Variants in CCDC85A observed in about 807,000 individuals in gnomAD.
The protein encoded by CCDC85A is coiled-coil domain containing 85A.
CCDC85A carries 38 observed loss-of-function variants against 50.2 expected under a neutral mutation model. The ratio of observed to expected loss-of-function variants is 0.76; its 90% CI spans 0.58 to 0.99. CCDC85A has a LOEUF of 0.99. Ranked by LOEUF, CCDC85A falls within the 50% of genes least tolerant of loss-of-function variation. CCDC85A has a pLI of 0.00. For synonymous variants in CCDC85A, 366 were observed against 301.4 expected (o/e 1.21, Z -2.22); for missense variants, 820 against 742.0 (o/e 1.11, Z -1.22).
intron 2 of CCDC85A, among the ~76,000 whole-genome samples, chr2:56,258,617 G>A (rs1238269532): frequency 2.0e-5 from 3 of 152,212 alleles, no homozygotes; most frequent in Non-Finnish European, 2.9e-5. Context: ...GCAAAATCTA[G>A]GACAGGAGAG....
chr2:56,225,450 T>C (rs1279432040), intron 2 of CCDC85A, among the ~76,000 whole-genome samples: 2 of 152,128 alleles, frequency 1.3e-5, no homozygotes, highest in African/African-American at 2.4e-5. Flanking sequence ...TAACCATAAA[T>C]GTCGGGGTTT....
chr2:56,374,892 T>C (rs1476170383), intron 4 of CCDC85A, among the ~76,000 whole-genome samples: 2 of 152,238 alleles, frequency 1.3e-5, no homozygotes, highest in Admixed American at 6.5e-5. Context: ...GTTAGATTGA[T>C]AGAATCAACT....
chr2:56,377,335 A>G (rs1302889518), intron 5 of CCDC85A, among the ~76,000 whole-genome samples: 3 of 152,186 alleles, frequency 2.0e-5, no homozygotes, highest in Admixed American at 1.3e-4. Flanking sequence ...GGCACTAGCT[A>G]TCTGAAAAGC....
At position 56,252,951 on chromosome 2, in the gene CCDC85A, G is replaced by A. The variant is rs1037139600; in HGVS notation, c.1240+59511G>A. ...GGAGAATCACTTGAACTGGGGAGGC[G>A]GAGGTTGCAGTAAGCCAAGATCGCG... is the stretch of plus-strand genomic sequence containing the variant. On this transcript the variant is annotated intron_variant, in intron 2 of 5. Coordinates refer to ENST00000407595, the MANE Select transcript of CCDC85A (RefSeq NM_001080433.2). Among the ~76,000 whole-genome samples, 8 of 152,054 alleles carry A rather than the reference G, an allele frequency of 5.3e-5. No individual in the cohort carries two copies. The East Asian group carries it at 5.8e-4, about 11-fold the overall frequency.
At position 56,384,517 on chromosome 2, in the gene CCDC85A, C is replaced by T. The variant is rs1453162502; in HGVS notation, c.*162C>T. The T allele has an allele frequency of 1.0e-5, 6 of 582,484 alleles. No homozygotes were observed. The highest frequency in any genetic ancestry group is 2.9e-5 in the Admixed American group (1 of 34,878). The allele number at this position is 582,484 out of a possible 1,614,324, so 36.1% of individuals were successfully genotyped here. On this transcript the variant is annotated 3_prime_UTR_variant, in exon 6 of 6. Transcript: ENST00000407595. The stretch of plus-strand genomic sequence containing the variant: ...CTCTAAAACCTGTAGTACAACTTCT[C>T]CCCTCAAGCTGATATTCTGTGTCTC...
intron 2 of CCDC85A, among the ~76,000 whole-genome samples, chr2:56,202,680 A>T (rs1176110076): frequency 2.0e-5 from 3 of 152,264 alleles, no homozygotes; most frequent in South Asian, 4.1e-4. Context: ...CTATAGGCAG[A>T]AGTAAAGTAC....
At position 56,351,073 on chromosome 2, in the gene CCDC85A, A is replaced by G. The variant is rs1272430064; in HGVS notation, c.1317+8118A>G. Among the ~76,000 whole-genome samples the G allele has an allele frequency of 2.3e-4, 27 of 117,890 alleles. No homozygotes were observed. The East Asian group carries it at 3.5e-3, about 15-fold the overall frequency. 77.3% of individuals were successfully genotyped at this position (117,890 alleles called of 152,430 possible). ...TGTGTCCATGTGTTCTCATTGTTCA[A>G]TTCCCACCTATGAGTGAGAATATGC... is the stretch of plus-strand genomic sequence containing the variant. On this transcript the variant is annotated intron_variant, in intron 3 of 5. Coordinates refer to ENST00000407595, the MANE Select transcript of CCDC85A (RefSeq NM_001080433.2).
At chr2:56,249,721 G>A (rs1054347357) in intron 2 of CCDC85A, among the ~76,000 whole-genome samples, 1 of 152,160 alleles carries the variant, frequency 6.6e-6, no homozygotes, top group Non-Finnish European at 1.5e-5. Flanking sequence ...CAGAGGGGCT[G>A]GTCTCCCCAC....
rs115870568 is a variant in CCDC85A at position 56,312,997 on chromosome 2, A to G, written c.1241-29882A>G. On this transcript the variant is annotated intron_variant, in intron 2 of 5. Coordinates refer to ENST00000407595, the MANE Select transcript of CCDC85A (RefSeq NM_001080433.2). ...AAAATGCTTCTATATGCATTGTCTT[A>G]TTTAATTCTCACATTGGTTAGGTCT... Among the ~76,000 whole-genome samples the G allele has an allele frequency of 7.9e-3, 1,201 of 152,290 alleles. 8 individuals carry two copies. Among genetic ancestry groups the G allele is most frequent in the African/African-American group, 0.027 (1,123 of 41,586 alleles).
At chr2:56,281,682 A>T (rs906644185) in intron 2 of CCDC85A, among the ~76,000 whole-genome samples, 1 of 152,160 alleles carries the variant, frequency 6.6e-6, no homozygotes, top group African/African-American at 2.4e-5. Flanking sequence ...ATGAAGTTGC[A>T]TATCAGCCAT....
chr2:56,192,374 C>A lies in CCDC85A; in HGVS notation c.277-103C>A. The A allele has an allele frequency of 6.7e-7, 1 of 1,496,248 alleles. No individual in the cohort carries two copies. The highest frequency in any genetic ancestry group is 8.9e-7 in the Non-Finnish European group (1 of 1,119,106). 92.7% of individuals were successfully genotyped at this position (1,496,248 alleles called of 1,614,324 possible). On this transcript the variant is annotated intron_variant, in intron 1 of 5. Coordinates refer to ENST00000407595, the MANE Select transcript of CCDC85A (RefSeq NM_001080433.2). The surrounding 1 kb of genome is among the most constrained non-coding windows in gnomAD (Gnocchi z 4.7). ...ACTCCCTCACCTCCTCCCCTAACCT[C>A]ACAGGTAATTCACCAGTTACAGGCT...
chr2:56,213,839 A>C (rs1026827977), intron 2 of CCDC85A, among the ~76,000 whole-genome samples: 1 of 151,964 alleles, frequency 6.6e-6, no homozygotes, highest in African/African-American at 2.4e-5. Flanking sequence ...AGAACAACCA[A>C]AAATACCCGC....
chr2:56,353,244 A>C (rs893161545), intron 3 of CCDC85A, among the ~76,000 whole-genome samples: 1 of 152,230 alleles, frequency 6.6e-6, no homozygotes, highest in African/African-American at 2.4e-5. Flanking sequence ...CTCACACGCT[A>C]GTCTAATCAG....
rs117060780 is a variant in CCDC85A, at chr2:56,265,197, A to G, written c.1240+71757A>G. ...AAAAGGCATTGAAAGGGGAAGGACA[A>G]GCCAGAGAAAAGAAGAAAAGCTATC... On this transcript the variant is annotated intron_variant, in intron 2 of 5. Coordinates refer to ENST00000407595, the MANE Select transcript of CCDC85A (RefSeq NM_001080433.2). Among the ~76,000 whole-genome samples, 264 of 152,324 alleles carry G rather than the reference A, an allele frequency of 1.7e-3. 7 individuals carry two copies. The East Asian group carries it at 0.038, about 22-fold the overall frequency.
chr2:56,223,963 T>A (rs907139917), intron 2 of CCDC85A, among the ~76,000 whole-genome samples: 1 of 152,208 alleles, frequency 6.6e-6, no homozygotes, highest in Non-Finnish European at 1.5e-5. Flanking sequence ...TTTGTTAAGA[T>A]ACAGTTCACA....
At chr2:56,250,104 G>C (rs1392385624) in intron 2 of CCDC85A, among the ~76,000 whole-genome samples, 1 of 152,192 alleles carries the variant, frequency 6.6e-6, no homozygotes, top group Non-Finnish European at 1.5e-5. Context: ...AGCAAGGACT[G>C]TGAGGTTATT....
intron 3 of CCDC85A, among the ~76,000 whole-genome samples, chr2:56,347,673 C>A (rs1674695933): frequency 3.3e-5 from 5 of 152,098 alleles, no homozygotes; most frequent in Admixed American, 3.3e-4. Flanking sequence ...TTATGCTTAA[C>A]AGAATGTGGT....
At chr2:56,339,363 C>T (rs917869658) in intron 2 of CCDC85A, among the ~76,000 whole-genome samples, 1 of 152,038 alleles carries the variant, frequency 6.6e-6, no homozygotes, top group Non-Finnish European at 1.5e-5. Context: ...ACATTAAAAA[C>T]GAGAGAGGAT....
At chr2:56,353,822 A>G (rs895826110) in intron 3 of CCDC85A, among the ~76,000 whole-genome samples, 2 of 152,168 alleles carry the variant, frequency 1.3e-5, no homozygotes, top group Admixed American at 6.5e-5. Flanking sequence ...GGGAGTTGCA[A>G]TGTTATTTAT....
Sources: gnomAD v4.1 joint callset for allele counts (sites outside exome capture counted in the v4.1 genomes callset) on GRCh38, gnomAD v4.1.1 for gene constraint, Gnocchi (gnomAD v3.1) non-coding constraint, MANE v1.5 for transcripts, NCBI Gene and HGNC (gene_info 2026-07-23, HGNC 2026-07-21) for gene names.